The following PCDHA3 variants were observed in gnomAD, a reference collection of about 807,000 sequenced individuals.
PCDHA3 encodes the protein protocadherin alpha-3.
Under a neutral mutation model 62.2 loss-of-function variants are expected in PCDHA3, and 41 were observed. That is an observed-to-expected ratio of 0.66 (90% CI 0.51 to 0.86). The LOEUF is 0.86. PCDHA3 is among the 40% of genes least tolerant of loss of function. The probability of loss-of-function intolerance (pLI) is 0.00; values close to 1 mark genes in which losing one functional copy is unlikely to be tolerated. For synonymous variants in PCDHA3, 640 were observed against 555.4 expected (o/e 1.15, Z -2.14); for missense variants, 1,304 against 1,241.2 (o/e 1.05, Z -0.76).
intron 1 of PCDHA3, among the ~76,000 whole-genome samples, chr5:140,940,102 T>C (rs1372400488): frequency 2.0e-5 from 3 of 152,228 alleles, no homozygotes; most frequent in African/African-American, 7.2e-5. Context: ...ACTTTTAGCG[T>C]TATGTATTAT....
At chr5:140,875,342 A>C in intron 1 of PCDHA3, 1 of 1,443,152 alleles carries the variant, frequency 6.9e-7, no homozygotes, top group Non-Finnish European at 9.1e-7. Context: ...GATCGACTCC[A>C]TAATGACTGT....
chr5:140,993,346 G>A (rs2097551194), intron 3 of PCDHA3, among the ~76,000 whole-genome samples: 2 of 151,820 alleles, frequency 1.3e-5, no homozygotes, highest in Non-Finnish European at 1.5e-5. Context: ...AGGGCACTAC[G>A]AAGATCCTCA....
chr5:140,883,726 G>A, intron 1 of PCDHA3: 2 of 1,613,590 alleles, frequency 1.2e-6, no homozygotes, highest in Non-Finnish European at 1.7e-6. Context: ...ACGCACAGGA[G>A]AACGCGCTGG....
At chr5:140,937,085 T>G (rs1386368270) in intron 1 of PCDHA3, among the ~76,000 whole-genome samples, 2 of 150,536 alleles carry the variant, frequency 1.3e-5, no homozygotes, top group African/African-American at 4.9e-5. Context: ...TCGCCCAGGC[T>G]GGAGTGCAGT....
chr5:140,810,753 C>T (rs1211252103), intron 1 of PCDHA3: 7 of 151,876 alleles, frequency 4.6e-5, no homozygotes, highest in African/African-American at 1.5e-4. Context: ...ATCTTGTATT[C>T]TGAACATAAC....
At chr5:140,985,377 A>G (rs782189204) in intron 3 of PCDHA3, among the ~76,000 whole-genome samples, 10 of 152,188 alleles carry the variant, frequency 6.6e-5, no homozygotes, top group Non-Finnish European at 5.9e-5. Context: ...CTGGGTCTAT[A>G]TAATCCAGTC....
intron 1 of PCDHA3, among the ~76,000 whole-genome samples, chr5:140,953,973 C>T (rs958351959): frequency 6.6e-5 from 10 of 152,036 alleles, no homozygotes; most frequent in Non-Finnish European, 1.3e-4. Context: ...GTGTGTTGTT[C>T]CCCTTCATAT....
chr5:141,008,036 C>G (rs1372261299), intron 3 of PCDHA3, among the ~76,000 whole-genome samples: 1 of 151,938 alleles, frequency 6.6e-6, no homozygotes, highest in Non-Finnish European at 1.5e-5. Context: ...GTTAATCTGC[C>G]TTTTGTAACA....
intron 1 of PCDHA3, among the ~76,000 whole-genome samples, chr5:140,827,408 A>G (rs1361434202): frequency 1.3e-5 from 2 of 152,254 alleles, no homozygotes; most frequent in Non-Finnish European, 2.9e-5. Context: ...GTGATAAAGA[A>G]TATGCTCTAG....
chr5:140,875,537 C>A, intron 1 of PCDHA3: 1 of 1,614,130 alleles, frequency 6.2e-7, no homozygotes, highest in South Asian at 1.1e-5. Context: ...CTGCTCCTTG[C>A]AGCCTGGGAG....
At chr5:140,914,923 T>C (rs2076880546) in intron 1 of PCDHA3, among the ~76,000 whole-genome samples, 1 of 151,134 alleles carries the variant, frequency 6.6e-6, no homozygotes, top group Admixed American at 6.6e-5. Context: ...TGTCTTATTG[T>C]ACTATGTTGT....
chr5:140,850,541 G>T lies in PCDHA3; in HGVS notation c.2394+46950G>T. 3 of 1,598,386 alleles carry T rather than the reference G, an allele frequency of 1.9e-6. No individual in the cohort carries two copies. Among genetic ancestry groups the T allele is most frequent in the Non-Finnish European group, 2.6e-6 (3 of 1,167,870 alleles). ...AGGCGCCAAAGTCATCGTCGCGGGC[G>T]TCAGTGGGTGCCACGGGCCCCGAGG... On this transcript the variant is annotated intron_variant, in intron 1 of 3. Transcript: ENST00000522353.
intron 1 of PCDHA3, among the ~76,000 whole-genome samples, chr5:140,964,713 A>C (rs2095850699): frequency 6.6e-6 from 1 of 152,070 alleles, no homozygotes; most frequent in South Asian, 2.1e-4. Flanking sequence ...TCCGAGATCA[A>C]ATTACCACAG....
chr5:140,823,605 G>A (rs971039767), intron 1 of PCDHA3: 1 of 1,614,052 alleles, frequency 6.2e-7, no homozygotes, highest in Admixed American at 1.7e-5. Context: ...CGTATGAGCT[G>A]CAGCCAGCGC....
At chr5:140,875,049 T>C (rs2055250146) in intron 1 of PCDHA3, among the ~76,000 whole-genome samples, 1 of 152,252 alleles carries the variant, frequency 6.6e-6, no homozygotes, top group Non-Finnish European at 1.5e-5. Context: ...ATTTCTACTT[T>C]GAAGCAGAAA....
rs117857377 is a variant in PCDHA3, at chr5:140,947,298, A to G, written c.2395-31651A>G. ...TTTTTCTTTTTATTGCATTATCTTG[A>G]CATCTTTGTAAAAAGTCGGTTGACC... On this transcript the variant is annotated intron_variant, in intron 1 of 3. Transcript: ENST00000522353. Among the ~76,000 whole-genome samples, 349 of 151,704 alleles carry G rather than the reference A, an allele frequency of 2.3e-3. 8 individuals carry two copies. In the East Asian group the frequency reaches 0.06, roughly 26 times the overall value.
chr5:140,802,723 C>A lies in PCDHA3; in HGVS notation c.1526C>A (p.Ser509Ter). The A allele has an allele frequency of 1.2e-6, 2 of 1,612,564 alleles. No homozygotes were observed. The highest frequency in any genetic ancestry group is 2.2e-5 in the South Asian group (2 of 91,020). ...GAGCGCGCGCTGTCGAGCTACGTGT[C>A]GGTACACGCGGAGAGCGGCAAGGTG... ...VGERALSSYV[S>*]VHAESGKVYA... Residue 509 changes from serine (S) to a stop codon, truncating the protein, a stop_gained, in exon 1 of 4, where the codon TCG (serine) becomes TAG (stop). Coordinates refer to ENST00000522353, the MANE Select transcript of PCDHA3 (RefSeq NM_018906.3). LOFTEE classifies it high-confidence loss of function.
Position 140,802,826 on chromosome 5 carries a change from G to C in PCDHA3, c.1629G>C (p.Pro543=), listed in dbSNP as rs1554122392. Residue 543 remains proline (P), a synonymous_variant, in exon 1 of 4, where the codon CCG becomes CCC. Coordinates refer to ENST00000522353, the MANE Select transcript of PCDHA3 (RefSeq NM_018906.3). ...TGAGTGCGCGCGATGCGGGCGTGCC[G>C]CCTCTGGGCAGCAACGTGACGCTGC... ...FQVSARDAGV[P]PLGSNVTLQV... The C allele has an allele frequency of 3.7e-6, 6 of 1,613,354 alleles. No homozygotes were observed. The highest frequency in any genetic ancestry group is 1.3e-5 in the African/African-American group (1 of 74,882).
chr5:140,811,831 A>G (rs1284132300), intron 1 of PCDHA3: 2 of 152,028 alleles, frequency 1.3e-5, no homozygotes, highest in African/African-American at 2.4e-5. Flanking sequence ...TCCTTTGCCC[A>G]CTTTTTGATA....
Sources: allele counts gnomAD v4.1 joint callset (sites outside exome capture counted in the v4.1 genomes callset), GRCh38; gene constraint gnomAD v4.1.1; transcripts MANE v1.5; gene names NCBI Gene and HGNC (gene_info 2026-07-23, HGNC 2026-07-21).